KCNN1: variants seen among roughly 807,000 people sequenced by gnomAD.
KCNN1 encodes the protein small conductance calcium-activated potassium channel protein 1.
A neutral mutation model predicts 44.7 loss-of-function variants in KCNN1; 20 were observed. That is an observed-to-expected ratio of 0.45 (90% CI 0.32 to 0.65). The LOEUF (loss-of-function observed/expected upper bound fraction) is 0.65. Ranked by LOEUF, KCNN1 falls within the 30% of genes least tolerant of loss-of-function variation. The probability of loss-of-function intolerance (pLI) is 0.05; values close to 1 mark genes in which losing one functional copy is unlikely to be tolerated. For synonymous variants in KCNN1, 324 were observed against 341.7 expected, an observed-to-expected ratio of 0.95 and a Z score of 0.57; for missense variants, 632 against 785.3, an observed-to-expected ratio of 0.80 and a Z score of 2.33.
At chr19:17,985,538 G>A in intron 5 of KCNN1, 85 bp downstream of exon 5, 2 of 1,317,868 alleles carry the variant, frequency 1.5e-6, no homozygotes, top group Non-Finnish European at 2.1e-6. Context: ...CTTGCTGACA[G>A]GGTGCTCATC....
chr19:17,982,542 C>T (rs2032453500), intron 4 of KCNN1: 5 of 985,184 alleles, frequency 5.1e-6, no homozygotes, highest in Non-Finnish European at 6.0e-6. Flanking sequence ...TTCATTTTCC[C>T]CTCTGCCCGC....
In KCNN1 at chr19:17,993,081, G is replaced by A; in HGVS notation, c.1307+19G>A. The A allele has an allele frequency of 6.2e-7, 1 of 1,613,664 alleles. No individual in the cohort carries two copies. The stretch of plus-strand genomic sequence containing the variant: ...CTCAGAAGTAAGTGTTCTCCCAGGG[G>A]CTTGGTGGGGCTGGGAAATCGGGGG... On this transcript the variant is annotated intron_variant, in intron 8 of 9. Coordinates refer to ENST00000684775, the MANE Select transcript of KCNN1 (RefSeq NM_001386974.1). The surrounding 1 kb of genome is among the most constrained non-coding windows in gnomAD (Gnocchi z 4.5).
At chr19:17,953,223 C>A (rs1448202611) in intron 1 of KCNN1, among the ~76,000 whole-genome samples, 2 of 152,148 alleles carry the variant, frequency 1.3e-5, no homozygotes, top group Non-Finnish European at 2.9e-5. Context: ...AAAGGAAATC[C>A]CTGGGGGGAG....
At chr19:17,960,634 A>AAAAAGAAAAGAAAAG (rs56694978) in intron 2 of KCNN1, among the ~76,000 whole-genome samples, 2 of 151,742 alleles carry the variant, frequency 1.3e-5, no homozygotes, top group African/African-American at 4.9e-5. Context: ...CTGTCTCAAA[A>AAAAAGAAAAGAAAAG]AAAAGAAAAG....
At chr19:17,989,486 A>C (rs915211038) in intron 6 of KCNN1, among the ~76,000 whole-genome samples, 3 of 152,096 alleles carry the variant, frequency 2.0e-5, no homozygotes, top group African/African-American at 4.8e-5. Context: ...AAAAACATTA[A>C]AAACATTTGC....
intron 2 of KCNN1, among the ~76,000 whole-genome samples, chr19:17,959,190 A>G (rs934408333): frequency 2.7e-5 from 4 of 147,102 alleles, no homozygotes; most frequent in Admixed American, 6.8e-5. Context: ...ACACCCAGCT[A>G]ATTTTTTGTA....
chr19:17,997,700 A>G (rs2033047073), intron 9 of KCNN1, among the ~76,000 whole-genome samples: 2 of 152,032 alleles, frequency 1.3e-5, no homozygotes, highest in Admixed American at 1.3e-4. Flanking sequence ...GGCTGGTCTC[A>G]AACTCCTGAC....
intron 2 of KCNN1, among the ~76,000 whole-genome samples, chr19:17,959,636 C>G (rs963451965): frequency 6.6e-6 from 1 of 152,124 alleles, no homozygotes; most frequent in Non-Finnish European, 1.5e-5. Context: ...TCCCTGAGCT[C>G]AGGCAATCAG....
chr19:17,974,087 G>A lies in KCNN1; in HGVS notation c.199G>A (p.Asp67Asn), dbSNP rs1473423273. The A allele has an allele frequency of 3.1e-6, 5 of 1,611,836 alleles. No homozygotes were observed. The East Asian group carries it at 8.9e-5, about 29-fold the overall frequency. The change falls in exon 2 of 10, where the codon GAC (aspartate) becomes AAC (asparagine). Residue 67 changes from aspartate to asparagine, a missense_variant. Asp to Asn is a conservative substitution (Grantham distance 23, BLOSUM62 1). Around this residue, in one of 3 missense-constraint regions of KCNN1, gnomAD observed 235 missense variants for 224.0 expected, o/e 1.05. Transcript: ENST00000684775. The surrounding 1 kb of genome is among the most constrained non-coding windows in gnomAD (Gnocchi z 7.3). ...CCCCCGGGGGCAGCCCCAGGACCAG[G>A]ACGATGACGAGGATGATGAGGAAGA... ...GSPRGQPQDQ[D>N]DDEDDEEDEA...
intron 5 of KCNN1, among the ~76,000 whole-genome samples, chr19:17,986,189 C>T (rs1172116034): frequency 1.3e-5 from 2 of 150,672 alleles, no homozygotes; most frequent in Admixed American, 1.3e-4. Context: ...CGTGGTGAGA[C>T]CCAGTCTGTA....
rs534731373 is a variant in KCNN1, at chr19:17,990,783, G to C, written c.1298+940G>C. ...CCGCTGCACTCCAGCCTGGGCGACAGAGTGAGACTCTGTCTCAAAAAAAAA... is the reference window on the plus strand; with the variant it reads ...CCGCTGCACTCCAGCCTGGGCGACACAGTGAGACTCTGTCTCAAAAAAAAA... On this transcript the variant is annotated intron_variant, in intron 7 of 9. Transcript: ENST00000684775. Among the ~76,000 whole-genome samples, 3 of 139,098 alleles carry C rather than the reference G, an allele frequency of 2.2e-5. No individual in the cohort carries two copies. In the East Asian group the frequency reaches 6.4e-4, roughly 30 times the overall value. 91.3% of individuals were successfully genotyped at this position (139,098 alleles called of 152,430 possible).
chr19:17,974,375 G>A lies in KCNN1; in HGVS notation c.402+85G>A, dbSNP rs1233035831. On this transcript the variant is annotated intron_variant, in intron 2 of 9. Coordinates refer to ENST00000684775, the MANE Select transcript of KCNN1 (RefSeq NM_001386974.1). This position sits in a 1 kb window ranked among gnomAD's most constrained non-coding sequence, Gnocchi z 7.3. ...TTGACATGGGGTTGGGGGTGGCAGG[G>A]CCCCCCGGGAGATAGGGAGTGTTAG... is the stretch of plus-strand genomic sequence containing the variant. The A allele has an allele frequency of 2.8e-6, 4 of 1,426,342 alleles. No individual in the cohort carries two copies. The highest frequency in any genetic ancestry group is 2.8e-6 in the Non-Finnish European group (3 of 1,080,226). The allele number at this position is 1,426,342 out of a possible 1,614,324, so 88.4% of individuals were successfully genotyped here. A position where few individuals can be genotyped will look rare whatever the true frequency, so the allele number is the denominator to read the frequency against.
At chr19:17,964,237 C>T (rs1294548719), upstream of KCNN1, among the ~76,000 whole-genome samples, 2 of 152,214 alleles carry the variant, frequency 1.3e-5, no homozygotes. The surrounding 1 kb of genome is among the most constrained non-coding windows in gnomAD (Gnocchi z 4.3). Context: ...CCGGGCAGTC[C>T]GGGCTGGGTC....
chr19:17,975,651 C>T (rs542580377), intron 3 of KCNN1, among the ~76,000 whole-genome samples: 1 of 151,964 alleles, frequency 6.6e-6, no homozygotes, highest in African/African-American at 2.4e-5. Flanking sequence ...GAACTCCTGA[C>T]CTCCAGTGAT....
In KCNN1 at chr19:17,974,551, C is replaced by T; in HGVS notation, c.402+261C>T. On this transcript the variant is annotated intron_variant, in intron 2 of 9. Transcript: ENST00000684775. The surrounding 1 kb of genome is among the most constrained non-coding windows in gnomAD (Gnocchi z 7.3). ...CCTGGCTTAAGGCGGAGGGGGGCTT[C>T]CCCCCAGGACAGGGGTTCCCCAGAG... 6.6e-6 allele frequency among the ~76,000 whole-genome samples: 1 copy of T among 152,260 alleles called. No homozygotes were observed. The highest frequency in any genetic ancestry group is 2.4e-5 in the African/African-American group (1 of 41,560).
intron 5 of KCNN1, 92 bp downstream of exon 5, chr19:17,985,545 C>T (rs2032567082): frequency 8.3e-7 from 1 of 1,206,062 alleles, no homozygotes; most frequent in Non-Finnish European, 1.1e-6. Context: ...ACAGGGTGCT[C>T]ATCCCATCAC....
chr19:17,959,304 G>T (rs1162758420), intron 2 of KCNN1, among the ~76,000 whole-genome samples: 2 of 152,028 alleles, frequency 1.3e-5, no homozygotes, highest in African/African-American at 4.8e-5. Flanking sequence ...TGTCGCCCAG[G>T]CTGGAATGCA....
At chr19:17,964,506 G>A (rs1025374514), upstream of KCNN1, among the ~76,000 whole-genome samples, 9 of 152,252 alleles carry the variant, frequency 5.9e-5, no homozygotes, top group African/African-American at 2.2e-4. This position sits in a 1 kb window ranked among gnomAD's most constrained non-coding sequence, Gnocchi z 4.3. Context: ...CAGCCTGTGC[G>A]CAAGGCAGTT....
chr19:17,964,368 C>T (rs1043757513), upstream of KCNN1, among the ~76,000 whole-genome samples: 12 of 152,322 alleles, frequency 7.9e-5, no homozygotes, highest in African/African-American at 1.7e-4. This position sits in a 1 kb window ranked among gnomAD's most constrained non-coding sequence, Gnocchi z 4.3. Flanking sequence ...CTCCTGTGAA[C>T]GTCTTCCAGT....
Sources: allele counts gnomAD v4.1 joint callset (sites outside exome capture counted in the v4.1 genomes callset), GRCh38; gene constraint gnomAD v4.1.1; regional missense constraint gnomAD v4.1.1; non-coding constraint Gnocchi (gnomAD v3.1); transcripts MANE v1.5; gene names NCBI Gene and HGNC (gene_info 2026-07-23, HGNC 2026-07-21).